The following HDAC9 variants were observed in gnomAD, a reference collection of about 807,000 sequenced individuals.
The protein encoded by HDAC9 is MEF-2 interacting transcription repressor (MITR) protein.
Under a neutral mutation model 139.4 loss-of-function variants are expected in HDAC9, and 41 were observed. The observed-to-expected ratio is 0.29, with a 90% CI of 0.23 to 0.38. The LOEUF (loss-of-function observed/expected upper bound fraction) is 0.38, where lower values mean the gene tolerates loss of function less well. Among genes scored for constraint, HDAC9 ranks in the 10% least tolerant of loss-of-function variants. HDAC9 has a pLI of 1.00. For synonymous variants in HDAC9, 517 were observed against 476.2 expected (o/e 1.09, Z -1.12); for missense variants, 1,147 against 1,297.0 (o/e 0.88, Z 1.78).
At chr7:18,991,452 A>C (rs185249785) in intron 25 of HDAC9, among the ~76,000 whole-genome samples, 2 of 152,140 alleles carry the variant, frequency 1.3e-5, no homozygotes, top group African/African-American at 2.4e-5. Flanking sequence ...CCTGGCTAAC[A>C]CGGTGAAACC....
intron 2 of HDAC9, chr7:18,505,715 T>C (rs543777538): frequency 6.6e-6 from 1 of 152,374 alleles, no homozygotes; most frequent in African/African-American, 2.4e-5. Context: ...CAACAGGTAA[T>C]TTTTATGATC....
Position 18,128,770 on chromosome 7 carries a change from C to A in HDAC9, c.-96-33459C>A, listed in dbSNP as rs541320943. On this transcript the variant is annotated intron_variant, in intron 1 of 12. Transcript: ENST00000417496. ...TTCTTAATGGGTCTTTGTGCCATGT[C>A]TCTTTATTCCTTATGATTAGTACAG... Among the ~76,000 whole-genome samples the A allele has an allele frequency of 7.3e-5, 11 of 151,714 alleles. No individual in the cohort carries two copies. In the South Asian group the frequency reaches 1.9e-3, roughly 26 times the overall value.
intron 6 of HDAC9, among the ~76,000 whole-genome samples, chr7:18,615,206 T>TA (rs1838241067): frequency 1.3e-5 from 2 of 152,320 alleles, no homozygotes; most frequent in Admixed American, 1.3e-4. Flanking sequence ...TATATAAAAT[T>TA]AAAAAATATT....
At chr7:18,502,152 A>C (rs376195314) in intron 2 of HDAC9, among the ~76,000 whole-genome samples, 8 of 152,168 alleles carry the variant, frequency 5.3e-5, no homozygotes, top group Non-Finnish European at 1.2e-4. Flanking sequence ...TGGATCCTCC[A>C]ATGGTCACAA....
intron 1 of HDAC9, among the ~76,000 whole-genome samples, chr7:18,156,778 T>C (rs1787238157): frequency 6.6e-6 from 1 of 152,224 alleles, no homozygotes; most frequent in Non-Finnish European, 1.5e-5. Flanking sequence ...AGAAAGCTGA[T>C]CTTTTACTTG....
chr7:18,994,545 C>G (rs1247088734), intron 25 of HDAC9, among the ~76,000 whole-genome samples: 3 of 152,120 alleles, frequency 2.0e-5, no homozygotes, highest in African/African-American at 7.2e-5. Context: ...ATATTCCACA[C>G]AGACTCTTTT....
intron 25 of HDAC9, among the ~76,000 whole-genome samples, chr7:18,993,641 A>T (rs1258765014): frequency 4.6e-5 from 7 of 150,682 alleles, no homozygotes; most frequent in Non-Finnish European, 1.0e-4. Flanking sequence ...ATCTATAATT[A>T]TTTTTTTTTT....
intron 2 of HDAC9, among the ~76,000 whole-genome samples, chr7:18,577,059 A>G (rs73309582): frequency 0.028 from 4,296 of 152,302 alleles, 201 homozygotes; most frequent in African/African-American, 0.098. Context: ...TGATGTCAGT[A>G]TGTCAATTAG....
At chr7:18,665,751 T>C (rs989812740) in intron 11 of HDAC9, among the ~76,000 whole-genome samples, 1 of 151,934 alleles carries the variant, frequency 6.6e-6, no homozygotes, top group East Asian at 1.9e-4. Context: ...AGACAAAGAC[T>C]ATTAGCATTT....
intron 1 of HDAC9, among the ~76,000 whole-genome samples, chr7:18,457,051 C>T (rs1416967247): frequency 6.6e-6 from 1 of 152,178 alleles, no homozygotes; most frequent in Non-Finnish European, 1.5e-5. Flanking sequence ...CAGTGGAGCT[C>T]AAGTGCCTAC....
At chr7:18,602,920 G>T (rs184327610) in intron 6 of HDAC9, among the ~76,000 whole-genome samples, 1 of 151,988 alleles carries the variant, frequency 6.6e-6, no homozygotes, top group Non-Finnish European at 1.5e-5. Context: ...ACCGTAATAG[G>T]TTTGTCTATT....
chr7:18,473,240 A>T (rs377074549), intron 1 of HDAC9, among the ~76,000 whole-genome samples: 5 of 152,198 alleles, frequency 3.3e-5, no homozygotes, highest in African/African-American at 1.2e-4. Context: ...CTGTATCAGC[A>T]TGTTTGTAGG....
intron 2 of HDAC9, among the ~76,000 whole-genome samples, chr7:18,164,276 T>A (rs975959504): frequency 5.3e-5 from 8 of 152,078 alleles, no homozygotes; most frequent in Non-Finnish European, 1.2e-4. Context: ...TTTGCATGGA[T>A]AAAGGAAAAT....
intron 1 of HDAC9, among the ~76,000 whole-genome samples, chr7:18,112,503 C>G (rs1783691764): frequency 6.6e-6 from 1 of 152,136 alleles, no homozygotes; most frequent in Non-Finnish European, 1.5e-5. Flanking sequence ...AAGAGAAGTT[C>G]CGATATACAC....
chr7:18,940,969 G>A (rs547287187), intron 23 of HDAC9, among the ~76,000 whole-genome samples: 21 of 152,126 alleles, frequency 1.4e-4, no homozygotes, highest in African/African-American at 4.8e-4. Context: ...TGTCAATACC[G>A]AATAAATGAT....
chr7:18,357,119 T>C (rs1009240223), intron 1 of HDAC9, among the ~76,000 whole-genome samples: 3 of 152,180 alleles, frequency 2.0e-5, no homozygotes, highest in Non-Finnish European at 4.4e-5. Flanking sequence ...TAGGATCTTA[T>C]AGAATCTTAT....
chr7:18,843,414 A>G (rs1015212649), intron 21 of HDAC9, among the ~76,000 whole-genome samples: 3 of 152,138 alleles, frequency 2.0e-5, no homozygotes, highest in Non-Finnish European at 4.4e-5. Flanking sequence ...ATTGACTTAA[A>G]TAACCTAATC....
At chr7:18,235,653 T>C (rs1437784978) in intron 2 of HDAC9, among the ~76,000 whole-genome samples, 1 of 152,238 alleles carries the variant, frequency 6.6e-6, no homozygotes, top group African/African-American at 2.4e-5. Flanking sequence ...TTAACTATTT[T>C]CAAAGCATGA....
At chr7:18,643,006 T>C (rs1477313080) in intron 8 of HDAC9, among the ~76,000 whole-genome samples, 1 of 152,136 alleles carries the variant, frequency 6.6e-6, no homozygotes, top group Non-Finnish European at 1.5e-5. Context: ...ACACTTATTT[T>C]CTCTTCAATG....
Sources: gnomAD v4.1 joint callset for allele counts (sites outside exome capture counted in the v4.1 genomes callset) on GRCh38, gnomAD v4.1.1 for gene constraint, MANE v1.5 for transcripts, NCBI Gene and HGNC (gene_info 2026-07-23, HGNC 2026-07-21) for gene names.